GLIS3: variants seen among roughly 807,000 people sequenced by gnomAD.
GLIS3 encodes the protein GLIS family zinc finger 3.
Under a neutral mutation model 78.6 loss-of-function variants are expected in GLIS3, and 53 were observed. The ratio of observed to expected loss-of-function variants is 0.67; its 90% CI spans 0.54 to 0.85. The LOEUF is 0.85. Among genes scored for constraint, GLIS3 ranks in the 40% least tolerant of loss-of-function variants. GLIS3 has a pLI of 0.00. For missense variants in GLIS3, 1,703 were observed against 1,231.1 expected, an observed-to-expected ratio of 1.38 and a Z score of -5.74; for synonymous variants, 684 against 509.9, an observed-to-expected ratio of 1.34 and a Z score of -4.60.
intron 2 of GLIS3, among the ~76,000 whole-genome samples, chr9:4,331,352 A>G (rs1324354572): frequency 6.6e-6 from 1 of 151,824 alleles, no homozygotes; most frequent in East Asian, 1.9e-4. Flanking sequence ...GCACACTTTT[A>G]TCCACTACAA....
chr9:3,971,553 C>A (rs112762820), intron 4 of GLIS3, among the ~76,000 whole-genome samples: 7 of 152,258 alleles, frequency 4.6e-5, no homozygotes, highest in Admixed American at 3.3e-4. Flanking sequence ...AACAAAGACA[C>A]AGACACAACT....
At chr9:4,360,404 C>A in the GLIS3 span, among the ~76,000 whole-genome samples, 1 of 152,162 alleles carries the variant, frequency 6.6e-6, no homozygotes. Context: ...ATCATCCCCA[C>A]CAGCTCAGAC....
intron 2 of GLIS3, among the ~76,000 whole-genome samples, chr9:4,233,492 C>G (rs775045220): frequency 6.6e-6 from 1 of 152,170 alleles, no homozygotes; most frequent in African/African-American, 2.4e-5. Flanking sequence ...TGAAGGAAAT[C>G]TTTCTTTTTT....
intron 4 of GLIS3, among the ~76,000 whole-genome samples, chr9:3,959,101 C>T (rs537801462): frequency 1.8e-3 from 276 of 152,344 alleles, no homozygotes; most frequent in Non-Finnish European, 2.7e-3. Context: ...GTTGAAACCC[C>T]ACCCTCTAAG....
At chr9:4,312,231 G>A (rs374080046) in intron 2 of GLIS3, among the ~76,000 whole-genome samples, 20 of 152,226 alleles carry the variant, frequency 1.3e-4, no homozygotes, top group African/African-American at 4.8e-4. Context: ...ATTTTGGGAG[G>A]CCAAGGCTGG....
upstream of GLIS3, among the ~76,000 whole-genome samples, chr9:4,351,042 G>A (rs576038371): frequency 3.9e-5 from 6 of 152,144 alleles, no homozygotes; most frequent in South Asian, 1.2e-3. Flanking sequence ...TGAAGTGCTG[G>A]GCCCTGGGCT....
chr9:4,189,785 A>G (rs1173669758), intron 2 of GLIS3, among the ~76,000 whole-genome samples: 1 of 151,860 alleles, frequency 6.6e-6, no homozygotes, highest in Non-Finnish European at 1.5e-5. Flanking sequence ...TGCTGGTTTA[A>G]AGTCTGTTTT....
At chr9:4,430,954 G>A in the GLIS3 span, among the ~76,000 whole-genome samples, 2 of 150,002 alleles carry the variant, frequency 1.3e-5, no homozygotes, top group South Asian at 2.1e-4. Flanking sequence ...GTGAATATCT[G>A]CTCCTCAGTT....
intron 2 of GLIS3, among the ~76,000 whole-genome samples, chr9:4,281,318 G>C (rs1182827442): frequency 2.0e-5 from 3 of 152,112 alleles, no homozygotes; most frequent in Non-Finnish European, 4.4e-5. Flanking sequence ...TCATTTGTAA[G>C]TATACAGTTC....
chr9:4,321,617 A>G lies in GLIS3; in HGVS notation n.265-11089T>C, dbSNP rs1023955369. On this transcript the variant is annotated intron_variant and non_coding_transcript_variant, in intron 2 of 4. Coordinates refer to the GLIS3 transcript ENST00000471664. ...CCACCCCAGTATCGAGAGCATTACC[A>G]ATAACTTACATGTCTCTTTGTGAAC... is the stretch of plus-strand genomic sequence containing the variant. 2.4e-4 allele frequency among the ~76,000 whole-genome samples: 27 copies of G among 112,986 alleles called. No individual in the cohort carries two copies. The East Asian group carries it at 7.3e-3, about 31-fold the overall frequency. The allele number at this position is 112,986 out of a possible 152,430, so 74.1% of individuals were successfully genotyped here.
At chr9:3,858,631 AAAGTATT>A (rs1283240090) in intron 8 of GLIS3, among the ~76,000 whole-genome samples, 1 of 152,212 alleles carries the variant, frequency 6.6e-6, no homozygotes, top group Non-Finnish European at 1.5e-5. Context: ...CACCCCATAT[AAAGTATT>A]AATAGAAATT....
upstream of GLIS3, among the ~76,000 whole-genome samples, chr9:4,300,094 C>T (rs935144019): frequency 1.3e-5 from 2 of 148,818 alleles, no homozygotes; most frequent in Non-Finnish European, 3.0e-5. Flanking sequence ...GGCCTGTAGC[C>T]AGCTGCTTCC....
At chr9:4,445,055 T>G in the GLIS3 span, among the ~76,000 whole-genome samples, 2 of 152,318 alleles carry the variant, frequency 1.3e-5, 1 homozygote, top group South Asian at 4.1e-4. Flanking sequence ...ATTATTTTAA[T>G]CATTATGCAT....
At chr9:3,833,660 T>A (rs1818180016) in intron 9 of GLIS3, among the ~76,000 whole-genome samples, 1 of 152,340 alleles carries the variant, frequency 6.6e-6, no homozygotes, top group South Asian at 2.1e-4. Flanking sequence ...TGAGGATTGA[T>A]AACACAGCTG....
intron 4 of GLIS3, among the ~76,000 whole-genome samples, chr9:4,058,255 G>C (rs1210132876): frequency 6.6e-6 from 1 of 150,550 alleles, no homozygotes; most frequent in Non-Finnish European, 1.5e-5. Flanking sequence ...TTTTGGCTTT[G>C]CTTTTTATTT....
At chr9:3,961,098 T>C (rs1052032015) in intron 4 of GLIS3, among the ~76,000 whole-genome samples, 2 of 152,154 alleles carry the variant, frequency 1.3e-5, no homozygotes, top group African/African-American at 4.8e-5. Flanking sequence ...TCAAAACTAA[T>C]TTGTCACCAC....
At chr9:4,192,022 C>CA (rs1818376824) in intron 2 of GLIS3, among the ~76,000 whole-genome samples, 3 of 151,626 alleles carry the variant, frequency 2.0e-5, no homozygotes, top group African/African-American at 7.3e-5. Flanking sequence ...ATTTGATTCT[C>CA]AAAAAAGGGC....
rs114578290 is a variant in GLIS3, at chr9:4,151,428, T to A, written c.389-25487A>T. ...CTTATTCATCCACCAAATGTAAATC[T>A]GCCACTGAACCAACATTCAGACTGC... is the stretch of plus-strand genomic sequence containing the variant. On this transcript the variant is annotated intron_variant, in intron 2 of 10. Coordinates refer to ENST00000381971, the MANE Select transcript of GLIS3 (RefSeq NM_001042413.2). Among the ~76,000 whole-genome samples the A allele has an allele frequency of 7.9e-3, 1,204 of 152,350 alleles. 18 individuals carry two copies. Among genetic ancestry groups the A allele is most frequent in the African/African-American group, 0.028 (1,154 of 41,582 alleles).
chr9:3,936,596 G>A (rs948416444), intron 5 of GLIS3, among the ~76,000 whole-genome samples: 1 of 151,706 alleles, frequency 6.6e-6, no homozygotes, highest in Non-Finnish European at 1.5e-5. Flanking sequence ...ATGTCAAGAG[G>A]GAAAGAACCA....
Sources: gnomAD v4.1 joint callset for allele counts (sites outside exome capture counted in the v4.1 genomes callset) on GRCh38, gnomAD v4.1.1 for gene constraint, MANE v1.5 for transcripts, NCBI Gene and HGNC (gene_info 2026-07-23, HGNC 2026-07-21) for gene names.